The following ADD1 variants were observed in gnomAD, a reference collection of about 807,000 sequenced individuals.
The protein encoded by ADD1 is alpha-adducin.
Under a neutral mutation model 80.5 loss-of-function variants are expected in ADD1, and 24 were observed. The observed-to-expected ratio is 0.30, with a 90% CI of 0.22 to 0.42. The LOEUF (loss-of-function observed/expected upper bound fraction) is 0.42, where lower values mean the gene tolerates loss of function less well. Among genes scored for constraint, ADD1 ranks in the 10% least tolerant of loss-of-function variants. The pLI is 1.00. For synonymous variants in ADD1, 373 were observed against 393.8 expected (o/e 0.95, Z 0.63); for missense variants, 948 against 1,019.0 (o/e 0.93, Z 0.95).
At chr4:2,880,817 T>C (rs1304825576) in intron 2 of ADD1, among the ~76,000 whole-genome samples, 1 of 152,030 alleles carries the variant, frequency 6.6e-6, no homozygotes, top group African/African-American at 2.4e-5. Context: ...ATTATTTTAG[T>C]GCAGGTTGGG....
At chr4:2,864,113 T>G (rs1729197007) in intron 1 of ADD1, among the ~76,000 whole-genome samples, 2 of 152,176 alleles carry the variant, frequency 1.3e-5, no homozygotes, top group Admixed American at 1.3e-4. Flanking sequence ...GCTAAAACAC[T>G]TAAATAACAG....
At chr4:2,883,250 G>T (rs1281793800) in intron 3 of ADD1, among the ~76,000 whole-genome samples, 1 of 151,968 alleles carries the variant, frequency 6.6e-6, no homozygotes, top group Non-Finnish European at 1.5e-5. Context: ...AGTTTGTGTA[G>T]GAAAGGCAGG....
rs775890518 is a variant in ADD1, at chr4:2,898,404, C to T, written c.886-29C>T. On this transcript the variant is annotated intron_variant, in intron 7 of 15. Coordinates refer to ENST00000683351, the MANE Select transcript of ADD1 (RefSeq NM_001354761.2). ...GCAAAGGACCAGTCTTCCTGCCCAGCTCCACAGAGCATTCATGCTTCCCCT... is the reference window on the plus strand; with the variant it reads ...GCAAAGGACCAGTCTTCCTGCCCAGTTCCACAGAGCATTCATGCTTCCCCT... 7.4e-6 allele frequency: 12 copies of T among 1,613,838 alleles called. No homozygotes were observed. The South Asian group carries it at 1.3e-4, about 18-fold the overall frequency.
chr4:2,917,414 T>C (rs1253632978), intron 14 of ADD1, among the ~76,000 whole-genome samples: 2 of 152,238 alleles, frequency 1.3e-5, no homozygotes, highest in Non-Finnish European at 1.5e-5. Flanking sequence ...AAGTTCCTTG[T>C]AGATCGTGGA....
chr4:2,891,581 C>G (rs1003557264), intron 4 of ADD1, among the ~76,000 whole-genome samples: 10 of 152,286 alleles, frequency 6.6e-5, no homozygotes, highest in Admixed American at 3.9e-4. Flanking sequence ...TAAATGACCC[C>G]TAGCAATGAT....
At chr4:2,908,742 G>A in intron 12 of ADD1, 138 bp downstream of exon 12, 1 of 730,412 alleles carries the variant, frequency 1.4e-6, no homozygotes, top group Non-Finnish European at 2.3e-6. Flanking sequence ...AAACCTTCAT[G>A]ATGAGAAACG....
chr4:2,876,246 GGTT>G, intron 2 of ADD1, 136 bp downstream of exon 2: 2 of 752,824 alleles, frequency 2.7e-6, no homozygotes, highest in South Asian at 2.8e-5. Context: ...ATACGTATAT[GGTT>G]GTTGAAAGAA....
chr4:2,892,581 G>C (rs1306185918), intron 4 of ADD1, among the ~76,000 whole-genome samples: 1 of 152,160 alleles, frequency 6.6e-6, no homozygotes, highest in Non-Finnish European at 1.5e-5. Context: ...TGTAAGCCTA[G>C]CATTTTGAGA....
chr4:2,897,018 C>T (rs961717669), intron 6 of ADD1, among the ~76,000 whole-genome samples: 1 of 152,154 alleles, frequency 6.6e-6, no homozygotes, highest in South Asian at 2.1e-4. Context: ...CCTTGGCTCC[C>T]AAATGACTGG....
chr4:2,925,976 TCCACAGCTCCTA>T, intron 14 of ADD1, 26 bp from the exon 15 acceptor site: 1 of 1,591,580 alleles, frequency 6.3e-7, no homozygotes, highest in East Asian at 2.2e-5. Flanking sequence ...TGGCGTGGCG[TCCACAGCTCCTA>T]CCATATCCTT....
At chr4:2,891,641 G>A (rs1205034111) in intron 4 of ADD1, among the ~76,000 whole-genome samples, 1 of 152,142 alleles carries the variant, frequency 6.6e-6, no homozygotes, top group Non-Finnish European at 1.5e-5. Flanking sequence ...ATGGGTAGAT[G>A]CCGTTTATTG....
rs141322620 is a variant in ADD1 at position 2,922,959 on chromosome 4, A to G, written c.1949-3055A>G. Among the ~76,000 whole-genome samples the G allele has an allele frequency of 2.7e-3, 417 of 152,324 alleles. 14 individuals carry two copies. In the East Asian group the frequency reaches 0.074, roughly 27 times the overall value. ...CTGTGAGGGGAAAATGGCCTACTCA[A>G]GCCTCAGTAATGGTGGATGCCCCTC... On this transcript the variant is annotated intron_variant, in intron 14 of 15. Transcript: ENST00000683351.
At chr4:2,847,553 A>G (rs1472974743) in intron 1 of ADD1, among the ~76,000 whole-genome samples, 1 of 152,236 alleles carries the variant, frequency 6.6e-6, no homozygotes, top group Non-Finnish European at 1.5e-5. Context: ...TCTCAGAACA[A>G]GATGAACACG....
chr4:2,915,840 TGTG>T (rs980047713), intron 14 of ADD1, among the ~76,000 whole-genome samples: 134 of 152,214 alleles, frequency 8.8e-4, no homozygotes, highest in African/African-American at 3.0e-3. Context: ...TAGGCACACT[TGTG>T]AGTGGCCCTG....
intron 1 of ADD1, among the ~76,000 whole-genome samples, chr4:2,858,841 CAT>C (rs1728442507): frequency 6.6e-6 from 1 of 152,140 alleles, no homozygotes; most frequent in African/African-American, 2.4e-5. Context: ...GAATAATAAA[CAT>C]ATTTACTATT....
At chr4:2,883,930 C>G (rs1261599929) in intron 3 of ADD1, among the ~76,000 whole-genome samples, 2 of 152,342 alleles carry the variant, frequency 1.3e-5, no homozygotes, top group Middle Eastern at 3.4e-3. Flanking sequence ...CTCGGCCTCC[C>G]AAAGTGCTGG....
chr4:2,908,300 G>T (rs1458625669), intron 11 of ADD1, among the ~76,000 whole-genome samples: 1 of 152,246 alleles, frequency 6.6e-6, no homozygotes, highest in Non-Finnish European at 1.5e-5. Flanking sequence ...AAGATGTGGG[G>T]AGCTGGGAAT....
In ADD1 at chr4:2,870,971, CT is replaced by C. The variant is rs34690642; in HGVS notation, c.-20-4910del. Among the ~76,000 whole-genome samples the C allele has an allele frequency of 6.7e-3, 929 of 139,632 alleles. 2 individuals carry two copies. The highest frequency in any genetic ancestry group is 0.017 in the African/African-American group (652 of 38,092). The allele number at this position is 139,632 out of a possible 152,430, so 91.6% of individuals were successfully genotyped here. The stretch of plus-strand genomic sequence containing the variant: ...TTTGTAAACAGATGACATTTTCTTT[CT>C]TTTTTTTTTTTTTTGAGCTGGAGTC... On this transcript the variant is annotated intron_variant, in intron 1 of 15. Coordinates refer to ENST00000683351, the MANE Select transcript of ADD1 (RefSeq NM_001354761.2).
At chr4:2,891,124 T>TAA (rs373441690) in intron 4 of ADD1, among the ~76,000 whole-genome samples, 1 of 145,386 alleles carries the variant, frequency 6.9e-6, no homozygotes, top group Non-Finnish European at 1.5e-5. Context: ...GTCTCTATTT[T>TAA]AAAAAAAAAA....
Sources: allele counts gnomAD v4.1 joint callset (sites outside exome capture counted in the v4.1 genomes callset), GRCh38; gene constraint gnomAD v4.1.1; transcripts MANE v1.5; gene names NCBI Gene and HGNC (gene_info 2026-07-23, HGNC 2026-07-21).